Variants in MAOB observed in about 807,000 individuals in gnomAD.
MAOB encodes monoamine oxidase B.
MAOB carries 15 observed loss-of-function variants against 41.9 expected under a neutral mutation model. The observed-to-expected ratio is 0.36, with a 90% confidence interval of 0.24 to 0.55. MAOB has a LOEUF of 0.55. Ranked by LOEUF, MAOB falls within the 20% of genes least tolerant of loss-of-function variation. MAOB has a pLI of 0.86. For synonymous variants in MAOB, 167 were observed against 144.2 expected, an observed-to-expected ratio of 1.16 and a Z score of -1.13; for missense variants, 345 against 398.7, an observed-to-expected ratio of 0.87 and a Z score of 1.15.
At chrX:43,818,741 C>G (rs1022700038) in intron 3 of MAOB, among the ~76,000 whole-genome samples, 29 of 112,202 alleles carry the variant, frequency 2.6e-4, no homozygotes, top group Non-Finnish European at 5.1e-4. Context: ...AACACTTAAA[C>G]AAAATGGAAA....
chrX:43,862,330 T>C (rs6610855), intron 1 of MAOB, among the ~76,000 whole-genome samples: 103 of 111,979 alleles, frequency 9.2e-4, no homozygotes, highest in African/African-American at 3.2e-3. Flanking sequence ...TGTCTTACTA[T>C]GTCCCTCTGT....
intron 3 of MAOB, among the ~76,000 whole-genome samples, chrX:43,813,457 C>T (rs1275636463): frequency 8.9e-6 from 1 of 112,366 alleles, no homozygotes; most frequent in Admixed American, 9.4e-5. Context: ...GCATAAGTGA[C>T]ATACAATAAA....
intron 1 of MAOB, among the ~76,000 whole-genome samples, chrX:43,849,777 C>T (rs1374660818): frequency 8.9e-6 from 1 of 112,422 alleles, no homozygotes; most frequent in Non-Finnish European, 1.9e-5. Flanking sequence ...TTATTTAATA[C>T]CCTTCTACAG....
chrX:43,812,050 A>G (rs1357996842), intron 3 of MAOB, among the ~76,000 whole-genome samples: 3 of 111,420 alleles, frequency 2.7e-5, no homozygotes, highest in African/African-American at 9.8e-5. Context: ...CCATGAGTTC[A>G]ATTGTTTTGA....
At chrX:43,811,702 T>G (rs1315396204) in intron 3 of MAOB, among the ~76,000 whole-genome samples, 1 of 111,600 alleles carries the variant, frequency 9.0e-6, no homozygotes, top group Non-Finnish European at 1.9e-5. Flanking sequence ...TTTAAAAAGT[T>G]TTCTGGGTAC....
intron 3 of MAOB, among the ~76,000 whole-genome samples, chrX:43,832,647 A>G: frequency 8.9e-6 from 1 of 111,986 alleles, no homozygotes; most frequent in Non-Finnish European, 1.9e-5. Context: ...AATACAGCAT[A>G]TAATACATTT....
chrX:43,843,013 A>C (rs2035157158), intron 2 of MAOB, among the ~76,000 whole-genome samples: 1 of 111,300 alleles, frequency 9.0e-6, no homozygotes, highest in Admixed American at 9.5e-5. Flanking sequence ...TAACTGTAGT[A>C]ATAATAATGT....
chrX:43,836,071 A>G (rs2035068910), intron 3 of MAOB, among the ~76,000 whole-genome samples: 2 of 111,712 alleles, frequency 1.8e-5, no homozygotes, highest in South Asian at 7.6e-4. Flanking sequence ...CAAATATACT[A>G]TCTATTTACA....
chrX:43,852,292 G>T (rs1429759490), intron 1 of MAOB, among the ~76,000 whole-genome samples: 1 of 111,986 alleles, frequency 8.9e-6, no homozygotes, highest in African/African-American at 3.3e-5. Flanking sequence ...TAAAATTTGG[G>T]TGTCACCAAT....
chrX:43,863,514 G>T (rs1253613500), intron 1 of MAOB, among the ~76,000 whole-genome samples: 1 of 111,510 alleles, frequency 9.0e-6, no homozygotes, highest in Non-Finnish European at 1.9e-5. Context: ...TATACCCAAA[G>T]TTAAGAGTGG....
chrX:43,850,065 G>A (rs779087599), intron 1 of MAOB, among the ~76,000 whole-genome samples: 2 of 111,716 alleles, frequency 1.8e-5, no homozygotes, highest in African/African-American at 6.5e-5. Context: ...CCATGAATCT[G>A]GCACCGTTAC....
intron 8 of MAOB, among the ~76,000 whole-genome samples, chrX:43,792,614 A>T (rs941622965): frequency 8.9e-6 from 1 of 112,203 alleles, no homozygotes; most frequent in Non-Finnish European, 1.9e-5. Flanking sequence ...ATCATCAGAT[A>T]AATGCCAATC....
intron 9 of MAOB, among the ~76,000 whole-genome samples, 167 bp downstream of exon 9, chrX:43,781,281 A>T (rs780846942): frequency 2.7e-4 from 30 of 112,262 alleles, no homozygotes; most frequent in African/African-American, 9.7e-4. Flanking sequence ...ATTGGAAGAC[A>T]TTATTTAGAA....
chrX:43,805,120 T>C (rs1286704182), intron 3 of MAOB, among the ~76,000 whole-genome samples: 1 of 111,801 alleles, frequency 8.9e-6, no homozygotes. Flanking sequence ...TAAATTGAGC[T>C]AATTAACATA....
At chrX:43,868,565 A>G (rs1178842846) in intron 1 of MAOB, among the ~76,000 whole-genome samples, 1 of 111,457 alleles carries the variant, frequency 9.0e-6, no homozygotes, top group Non-Finnish European at 1.9e-5. Context: ...TCAGACACTG[A>G]CGGTTCCTGT....
chrX:43,773,017 C>T (rs1238503874), intron 12 of MAOB, among the ~76,000 whole-genome samples: 2 of 111,972 alleles, frequency 1.8e-5, no homozygotes, highest in Non-Finnish European at 3.8e-5. Context: ...TTATAAGTTC[C>T]CCAGACTCAG....
chrX:43,855,577 G>C (rs1295218697), intron 1 of MAOB, among the ~76,000 whole-genome samples: 4 of 111,358 alleles, frequency 3.6e-5, no homozygotes, highest in African/African-American at 9.8e-5. Flanking sequence ...AAAATAGAGA[G>C]ACAACATAAA....
Position 43,795,849 on chromosome X carries a change from G to T in MAOB, c.658C>A (p.Arg220=), listed in dbSNP as rs1470898078. The change falls in exon 7 of 15, where the codon CGG becomes AGG. Residue 220 remains arginine, a synonymous_variant. Coordinates refer to ENST00000378069, the MANE Select transcript of MAOB (RefSeq NM_000898.5). ...CGGTCTCCAAGGAGGTCCATTATCC[G>T]CTCACTCACTTGACCAGATCCGCCC... ...FVGGSGQVSE[R]IMDLLGDRVK... is the part of the protein sequence containing the mutation. The T allele has an allele frequency of 1.7e-6, 2 of 1,207,660 alleles. No individual in the cohort carries two copies. Among genetic ancestry groups the T allele is most frequent in the African/African-American group, 1.8e-5 (1 of 56,979 alleles).
intron 3 of MAOB, among the ~76,000 whole-genome samples, chrX:43,828,741 G>C (rs760578623): frequency 1.8e-5 from 2 of 111,583 alleles, no homozygotes; most frequent in African/African-American, 6.5e-5. Flanking sequence ...GAGTGAGATG[G>C]ATCAGGGTTA....
Sources: allele counts gnomAD v4.1 joint callset (sites outside exome capture counted in the v4.1 genomes callset), GRCh38; gene constraint gnomAD v4.1.1; transcripts MANE v1.5; gene names NCBI Gene and HGNC (gene_info 2026-07-23, HGNC 2026-07-21).